EFCAB11: variants seen among roughly 807,000 people sequenced by gnomAD.
EFCAB11 encodes EF-hand calcium-binding domain-containing protein 11.
In EFCAB11, 14 loss-of-function variants were observed where a neutral mutation model predicts 23.0. The observed-to-expected ratio is 0.61, with a 90% CI of 0.40 to 0.95. The LOEUF (loss-of-function observed/expected upper bound fraction) is 0.95. Ranked by LOEUF, EFCAB11 falls within the 40% of genes least tolerant of loss-of-function variation. The pLI, the probability that EFCAB11 is intolerant of heterozygous loss-of-function variation, is 0.00. For missense variants in EFCAB11, 198 were observed against 195.8 expected, an observed-to-expected ratio of 1.01 and a Z score of -0.07; for synonymous variants, 65 against 66.6, an observed-to-expected ratio of 0.98 and a Z score of 0.11.
intron 5 of EFCAB11, among the ~76,000 whole-genome samples, chr14:89,876,806 T>C (rs1009912890): frequency 3.3e-5 from 5 of 152,216 alleles, no homozygotes; most frequent in Admixed American, 1.3e-4. Flanking sequence ...TTGGAGCACC[T>C]GCACAATGCC....
chr14:89,935,815 C>T (rs142608232), intron 3 of EFCAB11, among the ~76,000 whole-genome samples: 2,576 of 152,256 alleles, frequency 0.017, 37 homozygotes, highest in Non-Finnish European at 0.02. Context: ...TTGAGATCAG[C>T]CTGGCCAACA....
At chr14:89,923,863 TAAA>T in intron 5 of EFCAB11, 1 of 985,424 alleles carries the variant, frequency 1.0e-6, no homozygotes, top group Non-Finnish European at 1.2e-6. Context: ...TATGGGAAGC[TAAA>T]AATTACAGTG....
intron 5 of EFCAB11, among the ~76,000 whole-genome samples, chr14:89,841,203 T>C (rs1887251821): frequency 6.6e-6 from 1 of 152,216 alleles, no homozygotes; most frequent in Admixed American, 6.5e-5. Context: ...CATGCCTTGA[T>C]TGGAACTTGG....
chr14:89,903,055 G>GA (rs1287305652), intron 5 of EFCAB11, among the ~76,000 whole-genome samples: 1 of 152,210 alleles, frequency 6.6e-6, no homozygotes, highest in African/African-American at 2.4e-5. Flanking sequence ...TCATTAGGAG[G>GA]AAACAGCCCC....
chr14:89,937,401 G>A (rs1158814863), intron 3 of EFCAB11, among the ~76,000 whole-genome samples: 2 of 152,096 alleles, frequency 1.3e-5, no homozygotes, highest in African/African-American at 2.4e-5. Context: ...AAAGACCACT[G>A]GACCAATGAT....
In EFCAB11 at chr14:89,954,254, G is replaced by A. The variant is rs1891334339; in HGVS notation, c.76-253C>T. ...AGGTGACGCAAATTAATTCATTTAG[G>A]CCACTGAGATAAATTCTACCCAAAA... On this transcript the variant is annotated intron_variant, in intron 1 of 5. Coordinates refer to ENST00000316738, the MANE Select transcript of EFCAB11 (RefSeq NM_145231.4). 4.7e-6 allele frequency: 6 copies of A among 1,269,488 alleles called. No homozygotes were observed. The South Asian group carries it at 7.7e-5, about 16-fold the overall frequency. 78.6% of individuals were successfully genotyped at this position (1,269,488 alleles called of 1,614,324 possible). A position where few individuals can be genotyped will look rare whatever the true frequency, so the allele number is the denominator to read the frequency against.
intron 4 of EFCAB11, among the ~76,000 whole-genome samples, chr14:89,932,254 C>T (rs1159148961): frequency 6.6e-6 from 1 of 152,112 alleles, no homozygotes; most frequent in Non-Finnish European, 1.5e-5. Context: ...TGGCCTATAT[C>T]CCCCAGGGCC....
intron 5 of EFCAB11, among the ~76,000 whole-genome samples, chr14:89,827,462 A>G (rs1396341668): frequency 2.0e-5 from 3 of 152,156 alleles, no homozygotes; most frequent in Non-Finnish European, 2.9e-5. Context: ...TCCGGAGGAC[A>G]GGACCTAAAG....
chr14:89,834,018 A>G (rs1475572097), intron 5 of EFCAB11, among the ~76,000 whole-genome samples: 1 of 152,146 alleles, frequency 6.6e-6, no homozygotes, highest in Non-Finnish European at 1.5e-5. Context: ...TCCAGTTGCA[A>G]TAAGTAATAC....
chr14:89,817,675 A>G (rs1214705361), intron 5 of EFCAB11, among the ~76,000 whole-genome samples: 1 of 152,204 alleles, frequency 6.6e-6, no homozygotes, highest in Non-Finnish European at 1.5e-5. Context: ...CACTATTTAA[A>G]ACACACGAGA....
At chr14:89,935,476 G>A (rs1890549340) in intron 3 of EFCAB11, among the ~76,000 whole-genome samples, 1 of 149,426 alleles carries the variant, frequency 6.7e-6, no homozygotes, top group African/African-American at 2.5e-5. Flanking sequence ...TCACAGGCAT[G>A]GCCACAGCGC....
At chr14:89,797,427 G>A in intron 5 of EFCAB11, 103 bp from the exon 6 acceptor site, 6 of 1,018,496 alleles carry the variant, frequency 5.9e-6, no homozygotes, top group Non-Finnish European at 7.2e-6. Context: ...GTGTGAGAGA[G>A]GAACCTATTT....
intron 5 of EFCAB11, among the ~76,000 whole-genome samples, chr14:89,822,147 C>G (rs1303504781): frequency 6.6e-6 from 1 of 151,914 alleles, no homozygotes; most frequent in African/African-American, 2.4e-5. Context: ...AACACTGGAG[C>G]TTCTGGTGCG....
In EFCAB11 at chr14:89,914,818, T is replaced by C. The variant is rs1002358958; in HGVS notation, c.410+16723A>G. 5.3e-5 allele frequency among the ~76,000 whole-genome samples: 8 copies of C among 151,796 alleles called. No homozygotes were observed. The South Asian group carries it at 6.2e-4, about 12-fold the overall frequency. ...AAAAAAAAAAAGAGAGAGACAGTTA[T>C]GAAATATGTAGGGAAATTCAAAACC... On this transcript the variant is annotated intron_variant, in intron 5 of 5. Coordinates refer to ENST00000316738, the MANE Select transcript of EFCAB11 (RefSeq NM_145231.4).
intron 5 of EFCAB11, among the ~76,000 whole-genome samples, chr14:89,838,560 G>A (rs1035882038): frequency 6.6e-6 from 1 of 151,842 alleles, no homozygotes; most frequent in Non-Finnish European, 1.5e-5. Flanking sequence ...ATTTAATGCT[G>A]CAAATATCAG....
chr14:89,809,224 G>C (rs951155047), intron 5 of EFCAB11, among the ~76,000 whole-genome samples: 3 of 152,196 alleles, frequency 2.0e-5, no homozygotes. Flanking sequence ...GAGGCAAAGA[G>C]TCCTCAGAGG....
intron 5 of EFCAB11, among the ~76,000 whole-genome samples, chr14:89,917,818 C>A (rs909079360): frequency 7.2e-5 from 11 of 152,170 alleles, no homozygotes; most frequent in Non-Finnish European, 4.4e-5. Context: ...GGACTCTCAG[C>A]TTTAACTGTA....
intron 5 of EFCAB11, among the ~76,000 whole-genome samples, chr14:89,815,554 G>A (rs936561201): frequency 2.0e-5 from 3 of 151,932 alleles, no homozygotes; most frequent in African/African-American, 7.3e-5. Context: ...AGCCTCTTGA[G>A]TAGCTGGGAT....
chr14:89,886,194 G>A (rs1047647375), intron 5 of EFCAB11, among the ~76,000 whole-genome samples: 1 of 152,126 alleles, frequency 6.6e-6, no homozygotes. Flanking sequence ...GCATTCAACT[G>A]ATTAGATGAG....
Sources: gnomAD v4.1 joint callset for allele counts (sites outside exome capture counted in the v4.1 genomes callset) on GRCh38, gnomAD v4.1.1 for gene constraint, MANE v1.5 for transcripts, NCBI Gene and HGNC (gene_info 2026-07-23, HGNC 2026-07-21) for gene names.